The following SMAD6 variants were observed in gnomAD, a reference collection of about 807,000 sequenced individuals.
SMAD6 encodes the protein MAD homolog 6.
Under a neutral mutation model 39.4 loss-of-function variants are expected in SMAD6, and 103 were observed. The observed-to-expected ratio is 2.62, with a 90% CI of 2.23 to 3.08. The LOEUF (loss-of-function observed/expected upper bound fraction) is 3.08. SMAD6 is among the 30% of genes most tolerant of loss of function. SMAD6 has a pLI of 0.00. For synonymous variants in SMAD6, 445 were observed against 353.3 expected (o/e 1.26, Z -2.91); for missense variants, 1,104 against 742.9 (o/e 1.49, Z -5.65).
chr15:66,706,957 A>G (rs1000364165), intron 1 of SMAD6: 4 of 152,328 alleles, frequency 2.6e-5, no homozygotes, highest in African/African-American at 9.6e-5. Context: ...ATTCCAGGCC[A>G]CACAGGCCTC....
At chr15:66,726,890 C>T in intron 3 of SMAD6, among the ~76,000 whole-genome samples, 1 of 151,820 alleles carries the variant, frequency 6.6e-6, no homozygotes, top group African/African-American at 2.4e-5. Context: ...TTTAAATTCC[C>T]CAGGTGACTC....
chr15:66,713,794 C>T (rs1893276907), intron 2 of SMAD6, among the ~76,000 whole-genome samples: 2 of 152,338 alleles, frequency 1.3e-5, no homozygotes, highest in African/African-American at 2.4e-5. Flanking sequence ...GCCACCAAAC[C>T]ATGGTGGCCA....
chr15:66,734,827 A>G (rs907536096), intron 3 of SMAD6, among the ~76,000 whole-genome samples: 2 of 152,346 alleles, frequency 1.3e-5, no homozygotes, highest in South Asian at 4.1e-4. Context: ...TGAACTATGC[A>G]CATTAAAACT....
At position 66,745,725 on chromosome 15, in the gene SMAD6, C is replaced by T. The variant is rs114558044; in HGVS notation, c.952+29227C>T. ...CAGGCTCCCCCCCAAGCTCTGCCTC[C>T]GGCTTGCTGTGTGACCTTGGACAAG... On this transcript the variant is annotated intron_variant, in intron 3 of 3. Transcript: ENST00000288840. Among the ~76,000 whole-genome samples, 324 of 152,314 alleles carry T rather than the reference C, an allele frequency of 2.1e-3. 2 individuals are homozygous for T. Among genetic ancestry groups the T allele is most frequent in the African/African-American group, 7.2e-3 (299 of 41,568 alleles).
intron 3 of SMAD6, among the ~76,000 whole-genome samples, chr15:66,734,576 A>C (rs1199991215): frequency 6.6e-6 from 1 of 152,214 alleles, no homozygotes; most frequent in Non-Finnish European, 1.5e-5. Context: ...ACACCCTATA[A>C]GTTATTTCAT....
chr15:66,761,611 GC>G (rs777369481), intron 3 of SMAD6, among the ~76,000 whole-genome samples: 2 of 152,158 alleles, frequency 1.3e-5, no homozygotes, highest in Non-Finnish European at 2.9e-5. Flanking sequence ...AGGACGGGGG[GC>G]CCTTCCTCCG....
At position 66,703,949 on chromosome 15, in the gene SMAD6, C is replaced by G. The variant is rs1395007983; in HGVS notation, c.691C>G (p.Arg231Gly). ...GCAGCTGCTGCTCGGCCGCCTCTTTCGCTGGCCCGACCTGCAGCACGCCGT... is the reference window on the plus strand; with the variant it reads ...GCAGCTGCTGCTCGGCCGCCTCTTTGGCTGGCCCGACCTGCAGCACGCCGT... ...PPQLLLGRLF[R>G]WPDLQHAVEL... Residue 231 changes from arginine (R) to glycine (G), a missense_variant, in exon 1 of 4, where the codon CGC (arginine) becomes GGC (glycine). Transcript: ENST00000288840. The G allele has an allele frequency of 3.6e-6, 5 of 1,407,622 alleles. No individual in the cohort carries two copies. Among genetic ancestry groups the G allele is most frequent in the South Asian group, 1.5e-5 (1 of 67,354 alleles). The allele number at this position is 1,407,622 out of a possible 1,614,324, so 87.2% of individuals were successfully genotyped here.
At chr15:66,742,807 C>T (rs548931478) in intron 3 of SMAD6, among the ~76,000 whole-genome samples, 1 of 152,268 alleles carries the variant, frequency 6.6e-6, no homozygotes, top group East Asian at 1.9e-4. Context: ...TGGACGTTGC[C>T]TTTGCTTAGA....
chr15:66,749,290 T>G (rs1893959041), intron 3 of SMAD6, among the ~76,000 whole-genome samples: 2 of 152,100 alleles, frequency 1.3e-5, no homozygotes, highest in South Asian at 2.1e-4. Flanking sequence ...AAACTCTGTC[T>G]CTACTAAAAA....
At chr15:66,735,465 AG>A (rs1336926310) in intron 3 of SMAD6, among the ~76,000 whole-genome samples, 1 of 152,222 alleles carries the variant, frequency 6.6e-6, no homozygotes, top group Non-Finnish European at 1.5e-5. Context: ...ACCAAATAAA[AG>A]GGGCTAGATG....
Position 66,782,791 on chromosome 15 carries a change from G to C in SMAD6, c.*1256G>C, listed in dbSNP as rs1007129242. ...TTGGAGATTTATATTAACATATTAA[G>C]TGCTCTGAGAAGTCCTGTGTATTAT... On this transcript the variant is annotated 3_prime_UTR_variant, in exon 4 of 4. Coordinates refer to ENST00000288840, the MANE Select transcript of SMAD6 (RefSeq NM_005585.5). 2 of 152,204 alleles carry C rather than the reference G, an allele frequency of 1.3e-5. No individual in the cohort carries two copies. The highest frequency in any genetic ancestry group is 2.9e-5 in the Non-Finnish European group (2 of 68,032). The allele number at this position is 152,204 out of a possible 1,614,324, so 9.4% of individuals were successfully genotyped here. A position where few individuals can be genotyped will look rare whatever the true frequency, so the allele number is the denominator to read the frequency against.
chr15:66,750,982 C>T (rs1893995005), intron 3 of SMAD6, among the ~76,000 whole-genome samples: 1 of 152,156 alleles, frequency 6.6e-6, no homozygotes, highest in Non-Finnish European at 1.5e-5. Context: ...TTTGCTGGGC[C>T]TCCACGTGCT....
chr15:66,718,111 CGTGTGTGTGTGTGTGTGT>C (rs57053370), intron 3 of SMAD6, among the ~76,000 whole-genome samples: 32 of 137,260 alleles, frequency 2.3e-4, no homozygotes, highest in African/African-American at 4.6e-4. Flanking sequence ...ATGGAAAGTC[CGTGTGTGTGTGTGTGTGT>C]GTGTGTGTGT....
At chr15:66,778,331 C>T (rs1250949365) in intron 3 of SMAD6, among the ~76,000 whole-genome samples, 1 of 152,210 alleles carries the variant, frequency 6.6e-6, no homozygotes, top group African/African-American at 2.4e-5. Flanking sequence ...AGCCTCCTGC[C>T]TCAGCCTCCC....
chr15:66,744,750 G>A (rs1893878571), intron 3 of SMAD6, among the ~76,000 whole-genome samples: 1 of 152,264 alleles, frequency 6.6e-6, no homozygotes, highest in South Asian at 2.1e-4. Flanking sequence ...GATCCCAGCA[G>A]GAAAGTGGGA....
At chr15:66,775,607 C>T (rs932858579) in intron 3 of SMAD6, among the ~76,000 whole-genome samples, 1 of 152,244 alleles carries the variant, frequency 6.6e-6, no homozygotes, top group African/African-American at 2.4e-5. Context: ...AGACACAGCT[C>T]CTCTCCTCCT....
intron 3 of SMAD6, among the ~76,000 whole-genome samples, chr15:66,760,447 T>G (rs953839480): frequency 6.6e-6 from 1 of 152,234 alleles, no homozygotes; most frequent in African/African-American, 2.4e-5. Context: ...ATCTATGTTG[T>G]AGGGTTGTTG....
rs1469513985 is a variant in SMAD6, at chr15:66,781,036, G to A, written c.992G>A (p.Trp331Ter). The A allele has an allele frequency of 1.9e-6, 3 of 1,598,712 alleles. No homozygotes were observed. Among genetic ancestry groups the A allele is most frequent in the Non-Finnish European group, 1.7e-6 (2 of 1,177,044 alleles). The change falls in exon 4 of 4, where the codon TGG becomes TAG. Residue 331 changes from tryptophan to a stop codon, truncating the protein, a stop_gained. Coordinates refer to ENST00000288840, the MANE Select transcript of SMAD6 (RefSeq NM_005585.5). LOFTEE classifies it high-confidence loss of function. ...CCGGACGCCACCAAGCCGAGCCACT[G>A]GTGCAGCGTGGCGTACTGGGAGCAC... ...MSPDATKPSHWCSVAYWEHRT... is the reference protein window; with the variant it reads ...MSPDATKPSH
In SMAD6 at chr15:66,717,127, T is replaced by A. The variant is rs1328577156; in HGVS notation, c.952+629T>A. 3.1e-6 allele frequency: 4 copies of A among 1,288,228 alleles called. No individual in the cohort carries two copies. The Admixed American group carries it at 9.2e-5, about 30-fold the overall frequency. The allele number at this position is 1,288,228 out of a possible 1,614,324, so 79.8% of individuals were successfully genotyped here. On this transcript the variant is annotated intron_variant, in intron 3 of 3. Transcript: ENST00000288840. ...GAGGAATACCTGAATCAAACTTTCC[T>A]TGAGAAATGAGAGGTTGGTGTTGGA...
Sources: gnomAD v4.1 joint callset for allele counts (sites outside exome capture counted in the v4.1 genomes callset) on GRCh38, gnomAD v4.1.1 for gene constraint, MANE v1.5 for transcripts, NCBI Gene and HGNC (gene_info 2026-07-23, HGNC 2026-07-21) for gene names.